GABRB1: variants seen among roughly 807,000 people sequenced by gnomAD.
The protein encoded by GABRB1 is gamma-aminobutyric acid receptor subunit beta-1.
A neutral mutation model predicts 51.6 loss-of-function variants in GABRB1; 17 were observed. That is an observed-to-expected ratio of 0.33 (90% CI 0.23 to 0.49). The LOEUF (loss-of-function observed/expected upper bound fraction) is 0.49. Ranked by LOEUF, GABRB1 falls within the 20% of genes least tolerant of loss-of-function variation. The probability of loss-of-function intolerance (pLI) is 0.99; values close to 1 mark genes in which losing one functional copy is unlikely to be tolerated. For synonymous variants in GABRB1, 247 were observed against 218.9 expected (o/e 1.13, Z -1.14); for missense variants, 410 against 600.6 (o/e 0.68, Z 3.32).
chr4:47,395,380 A>G (rs1728145950), intron 5 of GABRB1, among the ~76,000 whole-genome samples: 1 of 152,136 alleles, frequency 6.6e-6, no homozygotes, highest in East Asian at 1.9e-4. Flanking sequence ...ACATTTTTAA[A>G]CCATCAGATC....
chr4:47,074,081 T>C (rs1727451722), intron 3 of GABRB1, among the ~76,000 whole-genome samples: 1 of 152,232 alleles, frequency 6.6e-6, no homozygotes, highest in South Asian at 2.1e-4. Context: ...TTCTCAAATA[T>C]GATTGTATTA....
At chr4:47,413,702 T>C (rs1728830594) in intron 8 of GABRB1, among the ~76,000 whole-genome samples, 1 of 152,222 alleles carries the variant, frequency 6.6e-6, no homozygotes, top group South Asian at 2.1e-4. Flanking sequence ...GTTCAGTTGT[T>C]ACACATTACT....
At chr4:47,250,921 T>A (rs1225016186) in intron 4 of GABRB1, among the ~76,000 whole-genome samples, 1 of 152,230 alleles carries the variant, frequency 6.6e-6, no homozygotes, top group Admixed American at 6.5e-5. Flanking sequence ...ATTAGCTTAG[T>A]AACTAACCTC....
intron 4 of GABRB1, among the ~76,000 whole-genome samples, chr4:47,301,548 C>G (rs573343541): frequency 6.6e-6 from 1 of 151,268 alleles, no homozygotes; most frequent in Non-Finnish European, 1.5e-5. Flanking sequence ...GTCAGGGGAT[C>G]GCTTGAGCCC....
intron 3 of GABRB1, among the ~76,000 whole-genome samples, chr4:47,158,452 A>G (rs1717792361): frequency 6.6e-6 from 1 of 152,066 alleles, no homozygotes. Context: ...ATAGTTTATA[A>G]TCATATATTT....
At chr4:47,131,473 G>A (rs1417316553) in intron 3 of GABRB1, among the ~76,000 whole-genome samples, 1 of 152,108 alleles carries the variant, frequency 6.6e-6, no homozygotes, top group African/African-American at 2.4e-5. Flanking sequence ...TTGTTTTTCT[G>A]AGTGCAATGT....
intron 3 of GABRB1, among the ~76,000 whole-genome samples, chr4:47,062,828 A>T (rs1287313932): frequency 2.0e-5 from 3 of 152,044 alleles, no homozygotes; most frequent in South Asian, 4.1e-4. Flanking sequence ...CAATTCATCA[A>T]CAAATTGTGT....
At chr4:47,407,178 T>A (rs1320182595) in intron 8 of GABRB1, among the ~76,000 whole-genome samples, 2 of 152,156 alleles carry the variant, frequency 1.3e-5, no homozygotes, top group East Asian at 1.9e-4. Context: ...TGTAAAAGCA[T>A]ATGTAAAGTA....
At chr4:47,165,298 C>T (rs11940530) in intron 4 of GABRB1, among the ~76,000 whole-genome samples, 25,558 of 151,862 alleles carry the variant, frequency 0.17, 3,109 homozygotes, top group African/African-American at 0.34. Context: ...GACTTTGCTC[C>T]CCCATTTTAT....
intron 5 of GABRB1, among the ~76,000 whole-genome samples, chr4:47,366,747 C>T (rs929419716): frequency 6.6e-6 from 1 of 152,120 alleles, no homozygotes; most frequent in Non-Finnish European, 1.5e-5. Context: ...AGATGACATT[C>T]GTAATTTTCC....
At chr4:47,032,508 G>A (rs1486335407) in intron 3 of GABRB1, 24 bp downstream of exon 3, 4 of 1,609,420 alleles carry the variant, frequency 2.5e-6, no homozygotes, top group Non-Finnish European at 3.4e-6. Flanking sequence ...CGAGGGGCCC[G>A]GCGGTTCGGC....
At position 47,181,074 on chromosome 4, in the gene GABRB1, A is replaced by C. The variant is rs889314383; in HGVS notation, c.461+19605A>C. 2.6e-5 allele frequency among the ~76,000 whole-genome samples: 4 copies of C among 151,942 alleles called. No individual in the cohort carries two copies. In the South Asian group the frequency reaches 8.3e-4, roughly 32 times the overall value. ...AATTAAAGACTCAGATACTTTATTA[A>C]TTCTGGTAAGATCTCAGCTATCATA... On this transcript the variant is annotated intron_variant, in intron 4 of 8. Transcript: ENST00000295454.
chr4:47,070,228 G>T (rs1209398211), intron 3 of GABRB1, among the ~76,000 whole-genome samples: 1 of 151,964 alleles, frequency 6.6e-6, no homozygotes, highest in East Asian at 1.9e-4. Context: ...TAGAGATGTG[G>T]TTTCACCATA....
chr4:47,289,421 G>A (rs1044034893), intron 4 of GABRB1, among the ~76,000 whole-genome samples: 5 of 152,182 alleles, frequency 3.3e-5, no homozygotes, highest in Non-Finnish European at 5.9e-5. Context: ...GTTATTAGGG[G>A]TGGGGAAGAT....
chr4:47,353,036 C>A (rs1030374726), intron 5 of GABRB1, among the ~76,000 whole-genome samples: 1 of 152,144 alleles, frequency 6.6e-6, no homozygotes, highest in Admixed American at 6.5e-5. Flanking sequence ...AGGCAAAAGG[C>A]ACTTCTTACA....
intron 3 of GABRB1, among the ~76,000 whole-genome samples, chr4:47,125,453 A>C (rs1716077947): frequency 1.3e-5 from 2 of 151,984 alleles, no homozygotes; most frequent in Non-Finnish European, 2.9e-5. Context: ...ATACAGTAAT[A>C]ATGGGGCATA....
chr4:47,240,618 C>A (rs1681184699), intron 4 of GABRB1, among the ~76,000 whole-genome samples: 1 of 152,150 alleles, frequency 6.6e-6, no homozygotes, highest in South Asian at 2.1e-4. Context: ...GGAGCTGAAT[C>A]CAGAACCACA....
At chr4:47,288,934 C>G (rs924726865) in intron 4 of GABRB1, among the ~76,000 whole-genome samples, 2 of 152,056 alleles carry the variant, frequency 1.3e-5, no homozygotes, top group Admixed American at 6.5e-5. Flanking sequence ...GTATATACAT[C>G]TTATGTACAT....
At chr4:47,282,880 C>G (rs963164934) in intron 4 of GABRB1, among the ~76,000 whole-genome samples, 1 of 152,064 alleles carries the variant, frequency 6.6e-6, no homozygotes, top group Admixed American at 6.5e-5. Context: ...GAAAGGTGGC[C>G]ATGGTACTTG....
Sources: gnomAD v4.1 joint callset for allele counts (sites outside exome capture counted in the v4.1 genomes callset) on GRCh38, gnomAD v4.1.1 for gene constraint, MANE v1.5 for transcripts, NCBI Gene and HGNC (gene_info 2026-07-23, HGNC 2026-07-21) for gene names.